The following PAXIP1 variants were observed in gnomAD, a reference collection of about 807,000 sequenced individuals.
PAXIP1 encodes PAX interacting protein 1.
Under a neutral mutation model 140.6 loss-of-function variants are expected in PAXIP1, and 19 were observed. The observed-to-expected ratio is 0.14, with a 90% confidence interval of 0.09 to 0.20. PAXIP1 has a LOEUF of 0.20. Ranked by LOEUF, PAXIP1 falls within the 10% of genes least tolerant of loss-of-function variation. The probability of loss-of-function intolerance (pLI) is 1.00; values close to 1 mark genes in which losing one functional copy is unlikely to be tolerated. For synonymous variants in PAXIP1, 442 were observed against 444.6 expected (o/e 0.99, Z 0.07); for missense variants, 920 against 1,208.6 (o/e 0.76, Z 3.54).
chr7:154,958,776 T>C (rs764766739), intron 13 of PAXIP1, among the ~76,000 whole-genome samples: 3 of 152,216 alleles, frequency 2.0e-5, no homozygotes, highest in Admixed American at 6.5e-5. Context: ...CTGACAACTT[T>C]AGAATATAGG....
chr7:154,948,060 T>C lies in PAXIP1; in HGVS notation c.2822-57A>G. 6 of 1,172,396 alleles carry C rather than the reference T, an allele frequency of 5.1e-6. No individual in the cohort carries two copies. In the South Asian group the frequency reaches 6.1e-5, roughly 12 times the overall value. The allele number at this position is 1,172,396 out of a possible 1,614,324, so 72.6% of individuals were successfully genotyped here. ...GTGTGGACACGTGAAGTGTGGCAAG[T>C]GTGACCCACAAAATTCTCGCCCATA... On this transcript the variant is annotated intron_variant, in intron 16 of 20. Transcript: ENST00000404141.
At chr7:154,976,389 A>C in intron 5 of PAXIP1, 58 bp from the exon 6 acceptor site, 1 of 1,512,220 alleles carries the variant, frequency 6.6e-7, no homozygotes, top group Non-Finnish European at 8.8e-7. Context: ...CACATTTCCT[A>C]CAATTACGCA....
At position 154,946,202 on chromosome 7, in the gene PAXIP1, C is replaced by T. The variant is rs879176258; in HGVS notation, c.3194+163G>A. Reference sequence around the variant, plus strand: ...TAAGAGAATATTTTTACTAGCAACTCAAATGAATATTCTGAAGAGAAAAGA... The same window carrying T: ...TAAGAGAATATTTTTACTAGCAACTTAAATGAATATTCTGAAGAGAAAAGA... On this transcript the variant is annotated intron_variant, in intron 20 of 20. Coordinates refer to ENST00000404141, the MANE Select transcript of PAXIP1 (RefSeq NM_007349.4). The surrounding 1 kb of genome is among the most constrained non-coding windows in gnomAD (Gnocchi z 4.9). 9.1e-6 allele frequency: 9 copies of T among 984,106 alleles called. No individual in the cohort carries two copies. Among genetic ancestry groups the T allele is most frequent in the Non-Finnish European group, 1.1e-5 (9 of 828,746 alleles). 61.0% of individuals were successfully genotyped at this position (984,106 alleles called of 1,614,324 possible).
intron 5 of PAXIP1, among the ~76,000 whole-genome samples, chr7:154,979,840 G>C: frequency 6.6e-6 from 1 of 152,164 alleles, no homozygotes; most frequent in Non-Finnish European, 1.5e-5. Context: ...ATAGAAGGGT[G>C]CATGGCCTAC....
At position 154,962,527 on chromosome 7, in the gene PAXIP1, G is replaced by T; in HGVS notation, c.1990-69C>A. The T allele has an allele frequency of 2.8e-6, 4 of 1,408,020 alleles. No individual in the cohort carries two copies. In the East Asian group the frequency reaches 7.2e-5, roughly 25 times the overall value. 87.2% of individuals were successfully genotyped at this position (1,408,020 alleles called of 1,614,324 possible). ...CTGCAGGATTAAAGAAAATTCTAAG[G>T]TTGTATAACTACAATGCCCTTTTCA... On this transcript the variant is annotated intron_variant, in intron 9 of 20. Transcript: ENST00000404141.
intron 16 of PAXIP1, among the ~76,000 whole-genome samples, chr7:154,953,515 A>G (rs879804262): frequency 6.6e-6 from 1 of 152,132 alleles, no homozygotes; most frequent in Non-Finnish European, 1.5e-5. Flanking sequence ...GACAGGGCCC[A>G]GGGGAGGATG....
At chr7:154,952,078 G>A (rs1156228913) in intron 16 of PAXIP1, 1 of 152,110 alleles carries the variant, frequency 6.6e-6, no homozygotes, top group Non-Finnish European at 1.5e-5. Flanking sequence ...TGTAGTAATT[G>A]TTTCTACTAT....
At chr7:154,965,331 C>G (rs1230439064) in intron 8 of PAXIP1, 2 of 152,274 alleles carry the variant, frequency 1.3e-5, no homozygotes, top group African/African-American at 4.8e-5. Context: ...ATAGCTGAGC[C>G]ACAACCGCCC....
At chr7:154,948,254 G>A (rs1808087323) in intron 16 of PAXIP1, 1 of 422,190 alleles carries the variant, frequency 2.4e-6, no homozygotes, top group Non-Finnish European at 4.3e-6. Context: ...ATAAACTCTT[G>A]AAAAAAACGG....
intron 4 of PAXIP1, among the ~76,000 whole-genome samples, chr7:154,984,066 A>C (rs1408681015): frequency 6.6e-6 from 1 of 152,172 alleles, no homozygotes; most frequent in East Asian, 1.9e-4. Context: ...CGCCATGTGA[A>C]ACAGGAATCA....
intron 20 of PAXIP1, chr7:154,945,888 T>C (rs905734704): frequency 8.1e-6 from 8 of 985,316 alleles, no homozygotes; most frequent in Admixed American, 1.2e-4. Context: ...TTCTAAAGAC[T>C]GACCTTTGCA....
intron 13 of PAXIP1, among the ~76,000 whole-genome samples, chr7:154,959,439 G>A (rs1038926048): frequency 3.9e-5 from 6 of 152,210 alleles, no homozygotes; most frequent in Non-Finnish European, 7.3e-5. Context: ...TAGTAAACGT[G>A]AATGTGGGGA....
At chr7:155,002,786 G>A (rs1158606683) in intron 1 of PAXIP1, 63 bp downstream of exon 1, 3 of 951,496 alleles carry the variant, frequency 3.2e-6, no homozygotes, top group South Asian at 2.2e-5. Context: ...GGACGGGGAC[G>A]GGGACGGGGA....
At chr7:154,996,401 G>C (rs1326550205) in intron 2 of PAXIP1, among the ~76,000 whole-genome samples, 1 of 152,140 alleles carries the variant, frequency 6.6e-6, no homozygotes, top group African/African-American at 2.4e-5. Flanking sequence ...GAAAAAGTTG[G>C]GTTTGAATAC....
intron 1 of PAXIP1, chr7:155,002,138 G>C (rs913421485): frequency 2.2e-4 from 33 of 152,228 alleles, no homozygotes; most frequent in African/African-American, 7.7e-4. Context: ...TATTATTATA[G>C]GAATACTAAG....
chr7:154,993,240 G>A (rs1810428993), intron 3 of PAXIP1, among the ~76,000 whole-genome samples: 1 of 152,158 alleles, frequency 6.6e-6, no homozygotes, highest in Non-Finnish European at 1.5e-5. Flanking sequence ...CTCCCTGAGG[G>A]CAGAAATGGT....
intron 17 of PAXIP1, 46 bp downstream of exon 17, chr7:154,947,857 T>G (rs1449470957): frequency 7.6e-7 from 1 of 1,320,014 alleles, no homozygotes; most frequent in African/African-American, 1.5e-5. Context: ...AGCAGGTCCG[T>G]GTGTTATGCT....
At chr7:154,947,286 G>C (rs1808029588) in intron 17 of PAXIP1, 1 of 158,902 alleles carries the variant, frequency 6.3e-6, no homozygotes, top group African/African-American at 2.4e-5. Flanking sequence ...TATCTAACAA[G>C]ATTGCTCCTG....
rs1209807949 is a variant in PAXIP1, at chr7:154,956,358, TG to T, written c.2550-728del. The T allele has an allele frequency of 5.3e-5, 8 of 151,938 alleles. No individual in the cohort carries two copies. Among genetic ancestry groups the T allele is most frequent in the African/African-American group, 1.9e-4 (8 of 41,334 alleles). 9.4% of individuals were successfully genotyped at this position (151,938 alleles called of 1,614,324 possible). A position where few individuals can be genotyped will look rare whatever the true frequency, so the allele number is the denominator to read the frequency against. On this transcript the variant is annotated intron_variant, in intron 14 of 20. Coordinates refer to ENST00000404141, the MANE Select transcript of PAXIP1 (RefSeq NM_007349.4). This position sits in a 1 kb window ranked among gnomAD's most constrained non-coding sequence, Gnocchi z 4.2. The stretch of plus-strand genomic sequence containing the variant: ...AACAGTTCAGTTTGTGTTCTGGAAG[TG>T]GGGAATGGAAGGAGGGAAAGAGGAG...
Sources: allele counts gnomAD v4.1 joint callset (sites outside exome capture counted in the v4.1 genomes callset), GRCh38; gene constraint gnomAD v4.1.1; non-coding constraint Gnocchi (gnomAD v3.1); transcripts MANE v1.5; gene names NCBI Gene and HGNC (gene_info 2026-07-23, HGNC 2026-07-21).